The following EDA2R variants were observed in gnomAD, a reference collection of about 807,000 sequenced individuals.
EDA2R encodes the protein ectodysplasin A2 receptor.
A neutral mutation model predicts 20.1 loss-of-function variants in EDA2R; 26 were observed. The observed-to-expected ratio is 1.30, with a 90% CI of 0.95 to 1.80. The LOEUF (loss-of-function observed/expected upper bound fraction) is 1.80. Among genes scored for constraint, EDA2R ranks in the 40% most tolerant of loss-of-function variants. The pLI, the probability that EDA2R is intolerant of heterozygous loss-of-function variation, is 0.00. For synonymous variants in EDA2R, 114 were observed against 88.7 expected (o/e 1.29, Z -1.60); for missense variants, 277 against 228.7 (o/e 1.21, Z -1.36).
chrX:66,625,286 C>T (rs1299202316), intron 1 of EDA2R, among the ~76,000 whole-genome samples: 1 of 111,235 alleles, frequency 9.0e-6, no homozygotes, highest in East Asian at 2.8e-4. Context: ...TCAAGCCCTA[C>T]TCACCCATTG....
chrX:66,599,901 A>G, intron 5 of EDA2R, 41 bp from the exon 6 acceptor site: 1 of 1,183,658 alleles, frequency 8.4e-7, no homozygotes, highest in South Asian at 1.9e-5. Context: ...ACCCAAAAGC[A>G]GGGGCTCTTC....
chrX:66,630,106 A>G (rs1444808468), intron 1 of EDA2R, among the ~76,000 whole-genome samples: 1 of 111,886 alleles, frequency 8.9e-6, no homozygotes, highest in Non-Finnish European at 1.9e-5. Flanking sequence ...CACCATTTTC[A>G]ACAAATGGTG....
In EDA2R at chrX:66,597,871, T is replaced by A; in HGVS notation, c.*233A>T. On this transcript the variant is annotated 3_prime_UTR_variant, in exon 7 of 7. Transcript: ENST00000374719. Reference sequence around the variant, plus strand: ...GGAACATGTCTGGTAGTCCCATGAATGTGGAATCTGGCTCCCCAGACTACA... The same window carrying A: ...GGAACATGTCTGGTAGTCCCATGAAAGTGGAATCTGGCTCCCCAGACTACA... 1 of 234,486 alleles carries A rather than the reference T, an allele frequency of 4.3e-6. No homozygotes were observed. Among genetic ancestry groups the A allele is most frequent in the Non-Finnish European group, 7.1e-6 (1 of 140,631 alleles). The allele number at this position is 234,486 out of a possible 1,213,427, so 19.3% of individuals were successfully genotyped here.
chrX:66,637,000 C>T (rs187313320), intron 1 of EDA2R, among the ~76,000 whole-genome samples: 10 of 110,159 alleles, frequency 9.1e-5, no homozygotes, highest in East Asian at 2.9e-4. Flanking sequence ...GTGGAAATAC[C>T]GATCCTAGTT....
At chrX:66,598,567 C>G (rs181632532) in intron 6 of EDA2R, among the ~76,000 whole-genome samples, 3 of 111,943 alleles carry the variant, frequency 2.7e-5, no homozygotes, top group Non-Finnish European at 5.6e-5. Flanking sequence ...TACACAAACT[C>G]TTAGTGGGGA....
intron 2 of EDA2R, among the ~76,000 whole-genome samples, chrX:66,605,889 T>C (rs942894590): frequency 1.2e-4 from 13 of 112,367 alleles, no homozygotes; most frequent in Admixed American, 1.0e-3. Context: ...TGAAAGTATA[T>C]ATTGGGTTGT....
chrX:66,627,315 C>T (rs1376460733), intron 1 of EDA2R, among the ~76,000 whole-genome samples: 10 of 112,138 alleles, frequency 8.9e-5, no homozygotes, highest in African/African-American at 3.2e-4. Flanking sequence ...CCTAAATGCT[C>T]CACTTAAGAA....
intron 5 of EDA2R, among the ~76,000 whole-genome samples, chrX:66,601,782 T>C (rs1213308016): frequency 9.0e-6 from 1 of 111,720 alleles, no homozygotes; most frequent in Non-Finnish European, 1.9e-5. Context: ...ACCTTGGTAC[T>C]CTTGGCTGGA....
intron 2 of EDA2R, among the ~76,000 whole-genome samples, chrX:66,611,567 T>C (rs1930735320): frequency 9.0e-6 from 1 of 111,019 alleles, no homozygotes; most frequent in African/African-American, 3.3e-5. Context: ...TGGATGGGCT[T>C]AGTAGTAGAG....
Position 66,599,727 on chromosome X carries a change from G to T in EDA2R, c.651C>A (p.Ile217=), listed in dbSNP as rs369184526. Residue 217 remains isoleucine, a synonymous_variant, in exon 6 of 7, where the codon ATC becomes ATA. Coordinates refer to ENST00000374719, the MANE Select transcript of EDA2R (RefSeq NM_021783.5). The part of the protein sequence containing the change: ...NIFQTQPLNP[I]LEDDCSSTSG... ...TAGTCGAGCTGCAGTCGTCCTCGAG[G>T]ATAGGGTTAAGTGGCTGGGTCTGAA... is the stretch of plus-strand genomic sequence containing the variant. The T allele has an allele frequency of 6.6e-6, 8 of 1,208,315 alleles. No homozygotes were observed. Among genetic ancestry groups the T allele is most frequent in the Non-Finnish European group, 8.9e-6 (8 of 894,628 alleles).
chrX:66,619,231 T>C lies in EDA2R; in HGVS notation c.-10-3201A>G, dbSNP rs181929095. On this transcript the variant is annotated intron_variant, in intron 1 of 6. Transcript: ENST00000374719. ...TCATTAATCGCAACCACCAGTGACC[T>C]GATGCTTAAGGAAAAGATTCTCCAA... is the stretch of plus-strand genomic sequence containing the variant. 2.3e-4 allele frequency among the ~76,000 whole-genome samples: 26 copies of C among 111,852 alleles called. No individual in the cohort carries two copies. In the East Asian group the frequency reaches 6.5e-3, roughly 28 times the overall value.
chrX:66,610,657 T>C (rs1215666758), intron 2 of EDA2R, among the ~76,000 whole-genome samples: 2 of 112,120 alleles, frequency 1.8e-5, no homozygotes, highest in Non-Finnish European at 3.8e-5. Flanking sequence ...CTATTCTGAA[T>C]ATTGTGACTA....
Position 66,602,696 on chromosome X carries a change from G to A in EDA2R, c.454C>T (p.Leu152=), listed in dbSNP as rs931111155. 4 of 1,200,104 alleles carry A rather than the reference G, an allele frequency of 3.3e-6. No individual in the cohort carries two copies. In the African/African-American group the frequency reaches 7.0e-5, roughly 21 times the overall value. The change falls in exon 5 of 7, where the codon CTG becomes TTG. Residue 152 remains leucine (L), a synonymous_variant. Coordinates refer to ENST00000374719, the MANE Select transcript of EDA2R (RefSeq NM_021783.5). ...AGGAAGAAGAGCCCCAGGAAGGCCA[G>A]GGTAAACACCACTAGCAGGCTGCTC... The part of the protein sequence containing the change: ...LVSSLLVVFT[L]AFLGLFFLYC...
intron 1 of EDA2R, among the ~76,000 whole-genome samples, chrX:66,617,685 G>A (rs1440913917): frequency 1.8e-5 from 2 of 110,662 alleles, no homozygotes; most frequent in African/African-American, 6.6e-5. Context: ...TATTTCATTT[G>A]GTTTCTAGAG....
At chrX:66,630,822 T>TATACACAC (rs1555959605) in intron 1 of EDA2R, among the ~76,000 whole-genome samples, 1 of 93,694 alleles carries the variant, frequency 1.1e-5, no homozygotes, top group African/African-American at 3.8e-5. Context: ...TATATATATA[T>TATACACAC]ACACACACAC....
intron 2 of EDA2R, among the ~76,000 whole-genome samples, chrX:66,611,501 T>A (rs1449190765): frequency 2.7e-5 from 3 of 111,832 alleles, no homozygotes; most frequent in South Asian, 3.7e-4. Flanking sequence ...AAGTTTTTTT[T>A]AAATAAACAG....
intron 2 of EDA2R, among the ~76,000 whole-genome samples, chrX:66,615,328 C>T (rs139526858): frequency 7.0e-4 from 78 of 111,640 alleles, no homozygotes; most frequent in African/African-American, 2.3e-3. Flanking sequence ...CCTCTGTAGC[C>T]CCAGCTGCAG....
intron 1 of EDA2R, among the ~76,000 whole-genome samples, chrX:66,621,838 T>C (rs1288555333): frequency 1.8e-5 from 2 of 112,296 alleles, no homozygotes; most frequent in Non-Finnish European, 3.8e-5. Flanking sequence ...GTCGTGTGAC[T>C]TTGTGAATAT....
chrX:66,637,102 G>T (rs1934404696), intron 1 of EDA2R, among the ~76,000 whole-genome samples: 1 of 111,828 alleles, frequency 8.9e-6, no homozygotes. Context: ...AGCTCAGAAG[G>T]TACATACTCT....
Sources: gnomAD v4.1 joint callset for allele counts (sites outside exome capture counted in the v4.1 genomes callset) on GRCh38, gnomAD v4.1.1 for gene constraint, MANE v1.5 for transcripts, NCBI Gene and HGNC (gene_info 2026-07-23, HGNC 2026-07-21) for gene names.